The following PTGER3 variants were observed in gnomAD, a reference collection of about 807,000 sequenced individuals.
PTGER3 encodes prostaglandin E receptor 3, also known as prostaglandin E2 receptor EP3 subtype.
PTGER3 carries 22 observed loss-of-function variants against 34.7 expected under a neutral mutation model. The ratio of observed to expected loss-of-function variants is 0.63; its 90% CI spans 0.45 to 0.91. The LOEUF (loss-of-function observed/expected upper bound fraction) is 0.91, where lower values mean the gene tolerates loss of function less well. Ranked by LOEUF, PTGER3 falls within the 40% of genes least tolerant of loss-of-function variation. The probability of loss-of-function intolerance (pLI) is 0.00; values close to 1 mark genes in which losing one functional copy is unlikely to be tolerated. For synonymous variants in PTGER3, 241 were observed against 230.1 expected (o/e 1.05, Z -0.43); for missense variants, 468 against 519.4 (o/e 0.90, Z 0.96).
At chr1:70,968,503 C>T (rs1472553446), downstream of PTGER3, among the ~76,000 whole-genome samples, 1 of 152,074 alleles carries the variant, frequency 6.6e-6, no homozygotes. Flanking sequence ...TTGAAAATAA[C>T]AAAAATGAAG....
chr1:70,976,071 G>A (rs1653665377), intron 2 of PTGER3, among the ~76,000 whole-genome samples: 1 of 151,858 alleles, frequency 6.6e-6, no homozygotes, highest in Non-Finnish European at 1.5e-5. Flanking sequence ...ACAGCTGTAG[G>A]AATTTCGATA....
At chr1:71,012,574 A>C (rs1440051262) in intron 1 of PTGER3, 90 bp from the exon 2 acceptor site, 2 of 1,143,398 alleles carry the variant, frequency 1.7e-6, no homozygotes, top group African/African-American at 3.1e-5. Flanking sequence ...TTGGTTTTCA[A>C]TAAATTGGTT....
chr1:70,948,459 T>C (rs769878335), downstream of PTGER3, among the ~76,000 whole-genome samples: 6 of 152,142 alleles, frequency 3.9e-5, no homozygotes, highest in Non-Finnish European at 8.8e-5. Flanking sequence ...TGTGAGTCAA[T>C]TAAACCTCTT....
chr1:71,014,646 A>G (rs1013293119), intron 1 of PTGER3, among the ~76,000 whole-genome samples: 1 of 152,176 alleles, frequency 6.6e-6, no homozygotes, highest in African/African-American at 2.4e-5. Context: ...TCCTTCAGCC[A>G]TGTGGGGCAC....
At chr1:71,000,346 A>G (rs749006844) in intron 2 of PTGER3, among the ~76,000 whole-genome samples, 9 of 152,198 alleles carry the variant, frequency 5.9e-5, no homozygotes, top group Non-Finnish European at 8.8e-5. Context: ...TGTCATTGAC[A>G]TGAGAATTTG....
rs1047376004 is a variant in PTGER3 at position 71,047,655 on chromosome 1, G to T, written c.-78C>A. Reference sequence around the variant, plus strand: ...GGCAGACGCGGCGCGGGCGGCGGCGGAGGTCGGCGTTTACCGCGGCTGGGG... The same window carrying T: ...GGCAGACGCGGCGCGGGCGGCGGCGTAGGTCGGCGTTTACCGCGGCTGGGG... On this transcript the variant is annotated 5_prime_UTR_variant, in exon 1 of 4. Transcript: ENST00000306666. 8 of 1,437,042 alleles carry T rather than the reference G, an allele frequency of 5.6e-6. No individual in the cohort carries two copies. In the African/African-American group the frequency reaches 1.0e-4, roughly 18 times the overall value. The allele number at this position is 1,437,042 out of a possible 1,614,324, so 89.0% of individuals were successfully genotyped here.
intron 1 of PTGER3, among the ~76,000 whole-genome samples, chr1:71,033,871 C>T (rs1231966069): frequency 6.6e-6 from 1 of 152,040 alleles, no homozygotes; most frequent in African/African-American, 2.4e-5. Flanking sequence ...CTGCCGTGGT[C>T]AAGGTAATTT....
intron 2 of PTGER3, among the ~76,000 whole-genome samples, chr1:70,981,914 C>A (rs1008347903): frequency 6.6e-6 from 1 of 152,054 alleles, no homozygotes; most frequent in Non-Finnish European, 1.5e-5. Context: ...TCCATGCTGC[C>A]CCCACAGTTA....
chr1:71,030,291 T>C (rs1003453173), intron 1 of PTGER3, among the ~76,000 whole-genome samples: 11 of 152,056 alleles, frequency 7.2e-5, no homozygotes, highest in Admixed American at 7.2e-4. Context: ...CACACTGAGG[T>C]TCTCTAAGGC....
At chr1:70,974,204 C>T (rs1193581748) in intron 3 of PTGER3, 93 bp downstream of exon 3, 1 of 1,499,624 alleles carries the variant, frequency 6.7e-7, no homozygotes, top group Non-Finnish European at 8.9e-7. Context: ...TTTTAATTCT[C>T]AGAGATGGTC....
chr1:70,969,649 T>G (rs1162712887), downstream of PTGER3, among the ~76,000 whole-genome samples: 2 of 152,040 alleles, frequency 1.3e-5, no homozygotes, highest in African/African-American at 4.8e-5. Flanking sequence ...AAGGACAAGG[T>G]GAGATCTGAA....
intron 4 of PTGER3, among the ~76,000 whole-genome samples, chr1:70,905,712 T>C (rs1646932218): frequency 6.6e-6 from 1 of 152,254 alleles, no homozygotes; most frequent in Admixed American, 6.5e-5. Context: ...CTTTTGATTT[T>C]ACAGCCTCAT....
In PTGER3 at chr1:70,971,687, G is replaced by A; in HGVS notation, c.*43C>T. 6.4e-7 allele frequency: 1 copy of A among 1,552,030 alleles called. No individual in the cohort carries two copies. Among genetic ancestry groups the A allele is most frequent in the Non-Finnish European group, 8.7e-7 (1 of 1,150,694 alleles). ...AGGTGGGAAGAAATATGCAAATTCA[G>A]GGAAGCAGGAATTGCAATAAAATGT... On this transcript the variant is annotated 3_prime_UTR_variant, in exon 4 of 4. Transcript: ENST00000306666.
intron 4 of PTGER3, among the ~76,000 whole-genome samples, chr1:70,861,436 C>G (rs1165614044): frequency 6.6e-6 from 1 of 152,202 alleles, no homozygotes; most frequent in Non-Finnish European, 1.5e-5. Flanking sequence ...ACACCTGCAA[C>G]ACCTGCAACA....
rs200056104 is a variant in PTGER3, at chr1:70,974,365, A to G, written c.1101T>C (p.Tyr367=). The change falls in exon 3 of 4, where the codon TAT becomes TAC. Residue 367 remains tyrosine (Y), a synonymous_variant. Coordinates refer to ENST00000306666, the MANE Select transcript of PTGER3 (RefSeq NM_198719.2). ...AGGGTAAGGAGGTGGAGCTGGATGCATAGTTGTTTGTGTGGTACCTGATCT... is the reference window on the plus strand; with the variant it reads ...AGGGTAAGGAGGTGGAGCTGGATGCGTAGTTGTTTGTGTGGTACCTGATCT... ...FCQIRYHTNN[Y]ASSSTSLPCQ... The G allele has an allele frequency of 1.8e-5, 21 of 1,167,768 alleles. No individual in the cohort carries two copies. The highest frequency in any genetic ancestry group is 2.7e-5 in the Non-Finnish European group (21 of 772,524). 72.3% of individuals were successfully genotyped at this position (1,167,768 alleles called of 1,614,324 possible).
exon 4 of PTGER3, chr1:70,952,909 A>G (rs1378050959): frequency 6.2e-7 from 1 of 1,603,522 alleles, no homozygotes; most frequent in South Asian, 1.1e-5. Flanking sequence ...TCTTCATGTT[A>G]TTCTGTCTTT....
Position 70,871,272 on chromosome 1 carries a change from T to A in PTGER3, c.*24-18413A>T, listed in dbSNP as rs187194745. Among the ~76,000 whole-genome samples, 526 of 152,018 alleles carry A rather than the reference T, an allele frequency of 3.5e-3. 2 individuals are homozygous for A. Among genetic ancestry groups the A allele is most frequent in the Non-Finnish European group, 6.2e-3 (423 of 67,966 alleles). On this transcript the variant is annotated intron_variant, in intron 4 of 4. Coordinates refer to the PTGER3 transcript ENST00000370931. ...AGCAAGAGAGACAGTAGGGGGTGGG[T>A]AGGTGCCACACTTCGCAGCAACCAG...
downstream of PTGER3, among the ~76,000 whole-genome samples, chr1:70,970,029 G>T (rs986416957): frequency 2.2e-5 from 3 of 133,822 alleles, no homozygotes; most frequent in African/African-American, 9.6e-5. Flanking sequence ...ATCCAAGTTT[G>T]ATTCCAAACT....
At chr1:70,916,011 A>G (rs1647167426) in intron 4 of PTGER3, among the ~76,000 whole-genome samples, 1 of 152,166 alleles carries the variant, frequency 6.6e-6, no homozygotes, top group African/African-American at 2.4e-5. Flanking sequence ...AATATTCAGA[A>G]TCTATAAGGA....
Sources: gnomAD v4.1 joint callset for allele counts (sites outside exome capture counted in the v4.1 genomes callset) on GRCh38, gnomAD v4.1.1 for gene constraint, MANE v1.5 for transcripts, NCBI Gene and HGNC (gene_info 2026-07-23, HGNC 2026-07-21) for gene names.